FGF12: variants seen among roughly 807,000 people sequenced by gnomAD.
FGF12 encodes the protein fibroblast growth factor 12B.
A neutral mutation model predicts 23.6 loss-of-function variants in FGF12; 14 were observed. The observed-to-expected ratio is 0.59, with a 90% CI of 0.39 to 0.93. FGF12 has a LOEUF of 0.93. Ranked by LOEUF, FGF12 falls within the 40% of genes least tolerant of loss-of-function variation. The probability of loss-of-function intolerance (pLI) is 0.00; values close to 1 mark genes in which losing one functional copy is unlikely to be tolerated. For missense variants in FGF12, 175 were observed against 217.8 expected (o/e 0.80, Z 1.24); for synonymous variants, 62 against 77.3 (o/e 0.80, Z 1.04).
intron 2 of FGF12, among the ~76,000 whole-genome samples, chr3:192,585,077 G>A (rs1713318185): frequency 6.6e-6 from 1 of 152,160 alleles, no homozygotes; most frequent in African/African-American, 2.4e-5. Context: ...TCAACATCAA[G>A]TGAGAAAAAG....
chr3:192,434,155 A>T (rs2108792123), intron 2 of FGF12, among the ~76,000 whole-genome samples: 1 of 152,318 alleles, frequency 6.6e-6, no homozygotes, highest in East Asian at 1.9e-4. Flanking sequence ...ACTTTTGCAA[A>T]TAAAAAAACC....
intron 4 of FGF12, among the ~76,000 whole-genome samples, chr3:192,218,731 G>T (rs1245124843): frequency 6.6e-6 from 1 of 152,174 alleles, no homozygotes; most frequent in African/African-American, 2.4e-5. Context: ...ATTCACAATT[G>T]CATACACAAC....
intron 4 of FGF12, among the ~76,000 whole-genome samples, chr3:192,304,086 A>G (rs1715487563): frequency 6.6e-6 from 1 of 152,216 alleles, no homozygotes; most frequent in African/African-American, 2.4e-5. Context: ...ACTAACAATT[A>G]TTATCATTCC....
intron 2 of FGF12, among the ~76,000 whole-genome samples, chr3:192,546,373 C>T (rs1223731965): frequency 6.6e-6 from 1 of 150,764 alleles, no homozygotes; most frequent in Non-Finnish European, 1.5e-5. Context: ...TTTTTAAGAT[C>T]ATCTATGGAA....
intron 2 of FGF12, among the ~76,000 whole-genome samples, chr3:192,395,060 G>C (rs889594054): frequency 6.6e-5 from 10 of 152,174 alleles, no homozygotes; most frequent in African/African-American, 2.4e-4. Flanking sequence ...CAATGGCAAA[G>C]GTTATTCCTC....
chr3:192,282,342 T>C (rs1281403031), intron 4 of FGF12, among the ~76,000 whole-genome samples: 1 of 152,146 alleles, frequency 6.6e-6, no homozygotes, highest in Non-Finnish European at 1.5e-5. Flanking sequence ...AAGAAGAGAA[T>C]GCAAAATTAC....
intron 2 of FGF12, among the ~76,000 whole-genome samples, chr3:192,539,279 C>T (rs1289206593): frequency 6.6e-6 from 1 of 152,168 alleles, no homozygotes; most frequent in East Asian, 1.9e-4. Flanking sequence ...GTGGGTCTGT[C>T]ATATATGGGT....
chr3:192,358,950 A>G lies in FGF12; in HGVS notation c.124+1478T>C, dbSNP rs576034162. Among the ~76,000 whole-genome samples, 64 of 152,212 alleles carry G rather than the reference A, an allele frequency of 4.2e-4. 1 individual carries two copies. The highest frequency in any genetic ancestry group is 1.2e-3 in the Admixed American group (18 of 15,276). On this transcript the variant is annotated intron_variant, in intron 3 of 5. Coordinates refer to ENST00000445105, the MANE Select transcript of FGF12 (RefSeq NM_004113.6). ...GTAATATCTTGGAGTTAGTGCAGAT[A>G]AGTGACACAAATAAGTGGTTCCCTG...
chr3:192,648,449 A>G (rs1168187437), intron 2 of FGF12, among the ~76,000 whole-genome samples: 1 of 151,480 alleles, frequency 6.6e-6, no homozygotes, highest in Non-Finnish European at 1.5e-5. Flanking sequence ...ATTCTCAACT[A>G]TCCATGGACT....
chr3:192,456,591 C>T (rs1050703173), intron 2 of FGF12, among the ~76,000 whole-genome samples: 1 of 151,962 alleles, frequency 6.6e-6, no homozygotes, highest in Admixed American at 6.6e-5. Context: ...AATGTATACT[C>T]CTAATACGTA....
At chr3:192,711,575 A>G (rs1718682542) in intron 2 of FGF12, among the ~76,000 whole-genome samples, 2 of 152,176 alleles carry the variant, frequency 1.3e-5, no homozygotes, top group South Asian at 4.1e-4. Flanking sequence ...AAGTAGACAT[A>G]GGAGACTCCA....
At position 192,594,842 on chromosome 3, in the gene FGF12, G is replaced by C. The variant is rs77884465; in HGVS notation, c.13+132339C>G. The stretch of plus-strand genomic sequence containing the variant: ...GAAATAAATTTGTTTATAAATTGCC[G>C]AATCTGTGATATTCTGTTACAGCAA... On this transcript the variant is annotated intron_variant, in intron 2 of 5. Coordinates refer to ENST00000445105, the MANE Select transcript of FGF12 (RefSeq NM_004113.6). Among the ~76,000 whole-genome samples, 19 of 151,844 alleles carry C rather than the reference G, an allele frequency of 1.3e-4. 1 individual carries two copies. The highest frequency in any genetic ancestry group is 2.5e-4 in the Non-Finnish European group (17 of 67,932).
rs1722286072 is a variant in FGF12, at chr3:192,444,258, G to T, written c.14-83720C>A. Among the ~76,000 whole-genome samples, 3 of 152,158 alleles carry T rather than the reference G, an allele frequency of 2.0e-5. No homozygotes were observed. In the South Asian group the frequency reaches 6.2e-4, roughly 32 times the overall value. ...ACCTTGACAGCTGACCTTGAAAAAAGGAGAAGAAAGATTTGAGCTCACTTT... is the reference window on the plus strand; with the variant it reads ...ACCTTGACAGCTGACCTTGAAAAAATGAGAAGAAAGATTTGAGCTCACTTT... On this transcript the variant is annotated intron_variant, in intron 2 of 5. Transcript: ENST00000445105.
chr3:192,420,293 T>C (rs1263091901), intron 2 of FGF12, among the ~76,000 whole-genome samples: 2 of 150,486 alleles, frequency 1.3e-5, no homozygotes, highest in East Asian at 2.2e-4. Context: ...TTAGAGAGTG[T>C]GAAAAGGAAA....
intron 4 of FGF12, among the ~76,000 whole-genome samples, chr3:192,273,912 A>C (rs1281369082): frequency 6.6e-6 from 1 of 152,020 alleles, no homozygotes; most frequent in Non-Finnish European, 1.5e-5. Context: ...GAATTAAAAA[A>C]AAAAAAAAGT....
chr3:192,484,714 G>GC (rs1723580993), intron 2 of FGF12, among the ~76,000 whole-genome samples: 1 of 152,116 alleles, frequency 6.6e-6, no homozygotes, highest in Non-Finnish European at 1.5e-5. Flanking sequence ...GAATCGACAG[G>GC]CCCACATTGC....
At chr3:192,473,548 G>T (rs1256704163) in intron 2 of FGF12, among the ~76,000 whole-genome samples, 1 of 152,158 alleles carries the variant, frequency 6.6e-6, no homozygotes, top group Non-Finnish European at 1.5e-5. Context: ...ATACCAATAT[G>T]TCATTTCTGA....
intron 5 of FGF12, 57 bp from the exon 6 acceptor site, chr3:192,144,184 A>G: frequency 1.1e-6 from 1 of 944,920 alleles, no homozygotes; most frequent in Non-Finnish European, 1.7e-6. Context: ...TTCCTTCAAT[A>G]AGCTTTTCAA....
chr3:192,179,443 A>C (rs1278893356), intron 4 of FGF12, among the ~76,000 whole-genome samples: 1 of 151,622 alleles, frequency 6.6e-6, no homozygotes, highest in African/African-American at 2.4e-5. Flanking sequence ...ACAACTACTC[A>C]ATACTCAAAC....
Sources: allele counts gnomAD v4.1 joint callset (sites outside exome capture counted in the v4.1 genomes callset), GRCh38; gene constraint gnomAD v4.1.1; transcripts MANE v1.5; gene names NCBI Gene and HGNC (gene_info 2026-07-23, HGNC 2026-07-21).